Variants in CACNA2D3 observed in about 807,000 individuals in gnomAD.
CACNA2D3 encodes voltage-dependent calcium channel subunit alpha-2/delta-3.
In CACNA2D3, 60 loss-of-function variants were observed where a neutral mutation model predicts 160.6. That is an observed-to-expected ratio of 0.37 (90% CI 0.30 to 0.46). The LOEUF (loss-of-function observed/expected upper bound fraction) is 0.46, where lower values mean the gene tolerates loss of function less well. Ranked by LOEUF, CACNA2D3 falls within the 20% of genes least tolerant of loss-of-function variation. The pLI is 1.00. For missense variants in CACNA2D3, 1,205 were observed against 1,365.0 expected, an observed-to-expected ratio of 0.88 and a Z score of 1.85; for synonymous variants, 558 against 492.9, an observed-to-expected ratio of 1.13 and a Z score of -1.75.
chr3:54,196,558 A>T (rs182856565), intron 2 of CACNA2D3, among the ~76,000 whole-genome samples: 1 of 152,338 alleles, frequency 6.6e-6, no homozygotes, highest in East Asian at 1.9e-4. Flanking sequence ...CTTGTCACTG[A>T]CAAACGGAAT....
chr3:54,521,909 G>T lies in CACNA2D3; in HGVS notation c.544+18255G>T, dbSNP rs138728583. On this transcript the variant is annotated intron_variant, in intron 5 of 37. Transcript: ENST00000474759. ...TTATTTCTGGACTCTCATGTCTATT[G>T]ATCTATTTTTATGCTAGTCCTGATT... 2.6e-5 allele frequency among the ~76,000 whole-genome samples: 4 copies of T among 152,214 alleles called. No individual in the cohort carries two copies. The East Asian group carries it at 7.7e-4, about 29-fold the overall frequency.
intron 2 of CACNA2D3, among the ~76,000 whole-genome samples, chr3:54,216,628 C>G (rs2107370785): frequency 6.6e-6 from 1 of 152,344 alleles, no homozygotes; most frequent in Non-Finnish European, 1.5e-5. Context: ...TGCCCTCCAG[C>G]TGGAAGGTGG....
intron 6 of CACNA2D3, among the ~76,000 whole-genome samples, chr3:54,565,380 G>A (rs1006592223): frequency 3.9e-5 from 6 of 152,122 alleles, no homozygotes; most frequent in African/African-American, 1.4e-4. Context: ...AAGAGTCCTG[G>A]GAAGGAGAAT....
chr3:54,400,094 C>A (rs1467685288), intron 4 of CACNA2D3, among the ~76,000 whole-genome samples: 1 of 141,338 alleles, frequency 7.1e-6, no homozygotes, highest in South Asian at 2.5e-4. Context: ...TTCTTTGACT[C>A]GGAAAGGGAA....
At chr3:54,899,428 A>G (rs1213650492) in intron 26 of CACNA2D3, among the ~76,000 whole-genome samples, 2 of 152,222 alleles carry the variant, frequency 1.3e-5, no homozygotes, top group Admixed American at 1.3e-4. Flanking sequence ...TTATATTTAG[A>G]CAGGCAGTGT....
chr3:54,864,794 T>C (rs1470287435), intron 17 of CACNA2D3, among the ~76,000 whole-genome samples: 1 of 152,140 alleles, frequency 6.6e-6, no homozygotes, highest in Admixed American at 6.5e-5. Context: ...GGTGAGGCAG[T>C]GCCGAGGGCC....
intron 27 of CACNA2D3, among the ~76,000 whole-genome samples, chr3:54,928,225 C>T (rs1199138022): frequency 2.6e-5 from 4 of 152,252 alleles, no homozygotes; most frequent in African/African-American, 7.2e-5. Flanking sequence ...CGATGAGCCG[C>T]GTAAAGAATG....
intron 4 of CACNA2D3, among the ~76,000 whole-genome samples, chr3:54,438,194 T>G (rs1177974841): frequency 6.6e-6 from 1 of 152,228 alleles, no homozygotes; most frequent in African/African-American, 2.4e-5. Context: ...TAAGTGAATC[T>G]TTCTTATAGC....
chr3:54,158,541 CAA>C (rs1387871900), intron 2 of CACNA2D3, among the ~76,000 whole-genome samples: 1 of 152,170 alleles, frequency 6.6e-6, no homozygotes, highest in Non-Finnish European at 1.5e-5. Context: ...TCTTGAATAA[CAA>C]AGAGTACTGT....
intron 11 of CACNA2D3, among the ~76,000 whole-genome samples, chr3:54,667,464 AAG>A (rs2106891824): frequency 6.6e-6 from 1 of 152,258 alleles, no homozygotes; most frequent in African/African-American, 2.4e-5. Flanking sequence ...TGGTTAGATA[AAG>A]AGGTTTTCAT....
Position 54,769,763 on chromosome 3 carries a change from A to G in CACNA2D3, c.1380+5412A>G, listed in dbSNP as rs1702285360. Reference sequence around the variant, plus strand: ...TTCTTTGAGCTGGGTCTCACATAGTAGCTACATGATTGTTACCATATTCAT... The same window carrying G: ...TTCTTTGAGCTGGGTCTCACATAGTGGCTACATGATTGTTACCATATTCAT... On this transcript the variant is annotated intron_variant, in intron 13 of 37. Coordinates refer to ENST00000474759, the MANE Select transcript of CACNA2D3 (RefSeq NM_018398.3). Among the ~76,000 whole-genome samples the G allele has an allele frequency of 2.0e-5, 3 of 152,230 alleles. No individual in the cohort carries two copies. In the South Asian group the frequency reaches 6.2e-4, roughly 31 times the overall value.
At chr3:54,931,456 C>T (rs1303043286) in intron 27 of CACNA2D3, among the ~76,000 whole-genome samples, 1 of 152,144 alleles carries the variant, frequency 6.6e-6, no homozygotes, top group African/African-American at 2.4e-5. Flanking sequence ...CCTTTTCTTT[C>T]TCCCTCCCTC....
intron 27 of CACNA2D3, among the ~76,000 whole-genome samples, chr3:54,916,426 G>GCT: frequency 6.6e-6 from 1 of 152,324 alleles, no homozygotes; most frequent in Non-Finnish European, 1.5e-5. Context: ...CAGGGCCTGG[G>GCT]ACAGAGCTGA....
chr3:54,750,751 T>A (rs1248562998), intron 11 of CACNA2D3, among the ~76,000 whole-genome samples: 1 of 149,766 alleles, frequency 6.7e-6, no homozygotes, highest in Non-Finnish European at 1.5e-5. Flanking sequence ...TAATCACTTT[T>A]GGCAATATGA....
intron 11 of CACNA2D3, among the ~76,000 whole-genome samples, chr3:54,670,517 C>T (rs1362151255): frequency 6.6e-6 from 1 of 152,084 alleles, no homozygotes; most frequent in Non-Finnish European, 1.5e-5. Flanking sequence ...TAAGAGAGAA[C>T]TCACAGTGGG....
At chr3:54,301,732 G>A (rs1192074999) in intron 2 of CACNA2D3, among the ~76,000 whole-genome samples, 1 of 152,034 alleles carries the variant, frequency 6.6e-6, no homozygotes, top group Non-Finnish European at 1.5e-5. Flanking sequence ...GTGCACACAT[G>A]GGCGCACACA....
At chr3:54,875,761 C>T (rs1202137830) in intron 18 of CACNA2D3, 1 of 152,210 alleles carries the variant, frequency 6.6e-6, no homozygotes, top group Non-Finnish European at 1.5e-5. Flanking sequence ...CACATCTGAA[C>T]TGGACAATGC....
At chr3:54,207,477 T>G (rs1701295285) in intron 2 of CACNA2D3, among the ~76,000 whole-genome samples, 1 of 140,482 alleles carries the variant, frequency 7.1e-6, no homozygotes. Flanking sequence ...AAAATCTCTC[T>G]TGGACTTATT....
At chr3:54,354,220 T>A (rs1698611188) in intron 3 of CACNA2D3, among the ~76,000 whole-genome samples, 1 of 152,174 alleles carries the variant, frequency 6.6e-6, no homozygotes, top group Non-Finnish European at 1.5e-5. Flanking sequence ...GGCGTCAGTG[T>A]GCACTTTATG....
Sources: gnomAD v4.1 joint callset for allele counts (sites outside exome capture counted in the v4.1 genomes callset) on GRCh38, gnomAD v4.1.1 for gene constraint, MANE v1.5 for transcripts, NCBI Gene and HGNC (gene_info 2026-07-23, HGNC 2026-07-21) for gene names.